PLAGL1: variants seen among roughly 807,000 people sequenced by gnomAD.
PLAGL1 encodes PLAG1 like zinc finger 1.
PLAGL1 carries 1 observed loss-of-function variant against 4.6 expected under a neutral mutation model. The ratio of observed to expected loss-of-function variants is 0.22; its 90% CI spans 0.08 to 1.03. The LOEUF is 1.03. Ranked by LOEUF, PLAGL1 falls within the 50% of genes least tolerant of loss-of-function variation. The pLI is 0.58. For synonymous variants in PLAGL1, 240 were observed against 237.8 expected (o/e 1.01, Z -0.08); for missense variants, 464 against 570.4 (o/e 0.81, Z 1.90).
At chr6:144,018,727 A>T (rs1227583545) in intron 1 of PLAGL1, among the ~76,000 whole-genome samples, 8 of 152,238 alleles carry the variant, frequency 5.3e-5, no homozygotes, top group African/African-American at 1.9e-4. Context: ...ACTTTAAAAA[A>T]AGTTAATATC....
Position 144,027,643 on chromosome 6 carries a change from C to T in PLAGL1, c.-151+36825G>A, listed in dbSNP as rs1299665361. 1.3e-5 allele frequency among the ~76,000 whole-genome samples: 2 copies of T among 152,206 alleles called. No individual in the cohort carries two copies. Among genetic ancestry groups the T allele is most frequent in the South Asian group, 2.1e-4 (1 of 4,832 alleles). ...TAAGACTGTACAGTGCTTTGATTTA[C>T]ACAAATATAACCTCTTGCTCCAACA... On this transcript the variant is annotated intron_variant, in intron 1 of 3. Transcript: ENST00000437412. The surrounding 1 kb of genome is among the most constrained non-coding windows in gnomAD (Gnocchi z 5.8).
chr6:143,998,270 C>T (rs6570599), intron 1 of PLAGL1, among the ~76,000 whole-genome samples: 103,440 of 152,020 alleles, frequency 0.68, 35,587 homozygotes, highest in African/African-American at 0.76. Flanking sequence ...AAAGCTTTCA[C>T]TGTGTATGTC....
At chr6:144,032,719 G>A (rs532381944) in intron 1 of PLAGL1, among the ~76,000 whole-genome samples, 9 of 152,052 alleles carry the variant, frequency 5.9e-5, no homozygotes, top group Non-Finnish European at 8.8e-5. Context: ...ATGCCAACAC[G>A]CCTGGCTAAT....
In PLAGL1 at chr6:143,983,971, C is replaced by T. The variant is rs745970176; in HGVS notation, c.-544+1164G>A. Among the ~76,000 whole-genome samples the T allele has an allele frequency of 3.9e-5, 6 of 152,096 alleles. No homozygotes were observed. The highest frequency in any genetic ancestry group is 3.9e-4 in the East Asian group (2 of 5,180). ...AAGACTCTACGAAGCCTGAAAATCA[C>T]CAAGAATTAGGACACATTAGTCTTA... On this transcript the variant is annotated intron_variant, in intron 2 of 7. Coordinates refer to ENST00000674357, the MANE Select transcript of PLAGL1 (RefSeq NM_001317162.2). This position sits in a 1 kb window ranked among gnomAD's most constrained non-coding sequence, Gnocchi z 6.6.
chr6:143,976,807 A>G (rs979449803), intron 2 of PLAGL1, among the ~76,000 whole-genome samples: 3 of 152,168 alleles, frequency 2.0e-5, no homozygotes, highest in Admixed American at 2.0e-4. Flanking sequence ...TTAATGAAAG[A>G]TGTTCAGACA....
chr6:144,039,695 T>C lies in PLAGL1; in HGVS notation c.-151+24773A>G, dbSNP rs916474471. ...AGGGGTATTAAATAGCACAACCACT[T>C]TGATCAATAATTTGTAATAGTCAGT... is the stretch of plus-strand genomic sequence containing the variant. On this transcript the variant is annotated intron_variant, in intron 1 of 3. Transcript: ENST00000437412. The surrounding 1 kb of genome is among the most constrained non-coding windows in gnomAD (Gnocchi z 4.1). 2.0e-5 allele frequency among the ~76,000 whole-genome samples: 3 copies of C among 152,164 alleles called. No homozygotes were observed. The highest frequency in any genetic ancestry group is 7.2e-5 in the African/African-American group (3 of 41,454).
intron 1 of PLAGL1, among the ~76,000 whole-genome samples, chr6:144,035,666 G>A (rs1311522294): frequency 4.6e-5 from 7 of 152,164 alleles, no homozygotes; most frequent in African/African-American, 1.4e-4. Flanking sequence ...ATCACAGGGG[G>A]CAAGAGGCTT....
rs1788117313 is a variant in PLAGL1, at chr6:143,982,234, G to C, written c.-544+2901C>G. Among the ~76,000 whole-genome samples the C allele has an allele frequency of 6.6e-6, 1 of 152,138 alleles. No homozygotes were observed. Among genetic ancestry groups the C allele is most frequent in the Non-Finnish European group, 1.5e-5 (1 of 68,026 alleles). On this transcript the variant is annotated intron_variant, in intron 2 of 7. Coordinates refer to ENST00000674357, the MANE Select transcript of PLAGL1 (RefSeq NM_001317162.2). The surrounding 1 kb of genome is among the most constrained non-coding windows in gnomAD (Gnocchi z 5.3). Reference sequence around the variant, plus strand: ...GTGAAAACAGTGTCAATTTAAAACAGGCTGGTCAGGGAAAAAGGCATGGGT... The same window carrying C: ...GTGAAAACAGTGTCAATTTAAAACACGCTGGTCAGGGAAAAAGGCATGGGT...
Position 144,048,658 on chromosome 6 carries a change from C to T in PLAGL1, c.-151+15810G>A, listed in dbSNP as rs1452284092. ...CAAGTCCTGAGGCTACACAGAGCAG[C>T]ATCAGGGCTGTAAGCCAGGCCCATG... On this transcript the variant is annotated intron_variant, in intron 1 of 3. Transcript: ENST00000437412. This position sits in a 1 kb window ranked among gnomAD's most constrained non-coding sequence, Gnocchi z 4.8. Among the ~76,000 whole-genome samples the T allele has an allele frequency of 6.6e-6, 1 of 152,220 alleles. No homozygotes were observed. The highest frequency in any genetic ancestry group is 1.5e-5 in the Non-Finnish European group (1 of 68,036).
chr6:143,987,551 C>G (rs1330700342), intron 1 of PLAGL1, among the ~76,000 whole-genome samples: 1 of 137,556 alleles, frequency 7.3e-6, no homozygotes, highest in Non-Finnish European at 1.5e-5. Flanking sequence ...AAAGTAAAAA[C>G]TCACATTTTC....
rs1363831618 is a variant in PLAGL1, at chr6:143,975,310, G to T, written c.-543-6332C>A. Among the ~76,000 whole-genome samples, 4 of 152,190 alleles carry T rather than the reference G, an allele frequency of 2.6e-5. No homozygotes were observed. The highest frequency in any genetic ancestry group is 7.2e-5 in the African/African-American group (3 of 41,438). ...AATGAGGTAGTTGCTTAAGAGTATG[G>T]ACTCTGGAGTCAGATCTGTATTTAA... On this transcript the variant is annotated intron_variant, in intron 2 of 7. Coordinates refer to ENST00000674357, the MANE Select transcript of PLAGL1 (RefSeq NM_001317162.2). The surrounding 1 kb of genome is among the most constrained non-coding windows in gnomAD (Gnocchi z 5.8).
At chr6:143,992,999 A>C (rs527622704) in intron 1 of PLAGL1, among the ~76,000 whole-genome samples, 249 of 149,552 alleles carry the variant, frequency 1.7e-3, no homozygotes, top group Non-Finnish European at 2.2e-3. Flanking sequence ...CAAACAAACA[A>C]ACACACACAC....
intron 6 of PLAGL1, among the ~76,000 whole-genome samples, chr6:143,951,155 CCTG>C (rs1780995238): frequency 1.3e-5 from 2 of 152,118 alleles, no homozygotes; most frequent in Non-Finnish European, 2.9e-5. Context: ...GTGATAGTTA[CCTG>C]ATGTATGTAA....
At chr6:143,986,008 A>ATATATATATATATATC (rs1789058333) in intron 1 of PLAGL1, among the ~76,000 whole-genome samples, 1 of 139,014 alleles carries the variant, frequency 7.2e-6, no homozygotes, top group Non-Finnish European at 1.5e-5. Context: ...ATATATATAT[A>ATATATATATATATATC]TATCATTTAA....
chr6:143,958,039 A>T lies in PLAGL1; in HGVS notation c.-325+2430T>A, dbSNP rs887490811. Among the ~76,000 whole-genome samples the T allele has an allele frequency of 5.9e-5, 9 of 152,200 alleles. No individual in the cohort carries two copies. Among genetic ancestry groups the T allele is most frequent in the African/African-American group, 1.9e-4 (8 of 41,460 alleles). On this transcript the variant is annotated intron_variant, in intron 6 of 7. Transcript: ENST00000674357. The surrounding 1 kb of genome is among the most constrained non-coding windows in gnomAD (Gnocchi z 5.1). ...AGAGCTCGGAGTCATGAAGCAGCAT[A>T]GGGCAATGTGGAACACGTGGTGCAG...
chr6:143,961,579 T>C lies in PLAGL1; in HGVS notation c.-398-1037A>G, dbSNP rs1783386989. On this transcript the variant is annotated intron_variant, in intron 5 of 7. Transcript: ENST00000674357. The surrounding 1 kb of genome is among the most constrained non-coding windows in gnomAD (Gnocchi z 6.5). ...AAAATACTGGAGGTGAGCAGGTTAT[T>C]TGCCTGAGTCATTTAGGGAAATTGT... Among the ~76,000 whole-genome samples, 1 of 152,220 alleles carries C rather than the reference T, an allele frequency of 6.6e-6. No homozygotes were observed. Among genetic ancestry groups the C allele is most frequent in the Non-Finnish European group, 1.5e-5 (1 of 68,026 alleles).
intron 1 of PLAGL1, among the ~76,000 whole-genome samples, chr6:143,993,366 AC>A: frequency 6.6e-6 from 1 of 151,058 alleles, no homozygotes; most frequent in Non-Finnish European, 1.5e-5. Context: ...ACACACACAC[AC>A]ACAATTGACA....
chr6:144,041,478 C>T (rs1008811069), intron 1 of PLAGL1, among the ~76,000 whole-genome samples: 3 of 152,090 alleles, frequency 2.0e-5, no homozygotes, highest in Admixed American at 2.0e-4. Flanking sequence ...TGATGGTTTC[C>T]AGCTTCACCC....
At chr6:143,969,524 C>T (rs1176864006) in intron 2 of PLAGL1, among the ~76,000 whole-genome samples, 1 of 151,878 alleles carries the variant, frequency 6.6e-6, no homozygotes, top group African/African-American at 2.4e-5. Flanking sequence ...GTGGCTCACA[C>T]TTGTAATCCC....
Sources: gnomAD v4.1 joint callset for allele counts (sites outside exome capture counted in the v4.1 genomes callset) on GRCh38, gnomAD v4.1.1 for gene constraint, Gnocchi (gnomAD v3.1) non-coding constraint, MANE v1.5 for transcripts, NCBI Gene and HGNC (gene_info 2026-07-23, HGNC 2026-07-21) for gene names.